Variants in CAMTA1 observed in about 807,000 individuals in gnomAD.
CAMTA1 encodes the protein calmodulin-binding transcription activator 1.
In CAMTA1, 27 loss-of-function variants were observed where a neutral mutation model predicts 170.9. That is an observed-to-expected ratio of 0.16 (90% CI 0.12 to 0.22). The LOEUF (loss-of-function observed/expected upper bound fraction) is 0.22, where lower values mean the gene tolerates loss of function less well. Among genes scored for constraint, CAMTA1 ranks in the 10% least tolerant of loss-of-function variants. CAMTA1 has a pLI of 1.00. For missense variants in CAMTA1, 1,619 were observed against 2,217.2 expected, an observed-to-expected ratio of 0.73 and a Z score of 5.42; for synonymous variants, 833 against 891.5, an observed-to-expected ratio of 0.93 and a Z score of 1.17.
Position 7,736,265 on chromosome 1 carries a change from T to G in CAMTA1, c.3067-79T>G. 8.5e-7 allele frequency: 1 copy of G among 1,172,690 alleles called. No individual in the cohort carries two copies. The highest frequency in any genetic ancestry group is 1.4e-5 in the South Asian group (1 of 73,650). The allele number at this position is 1,172,690 out of a possible 1,614,324, so 72.6% of individuals were successfully genotyped here. A position where few individuals can be genotyped will look rare whatever the true frequency, so the allele number is the denominator to read the frequency against. ...TTGTGAGTTTCTAATCGTAAAGCAT[T>G]TGTTTCCCCTACATCGAAGCGCTGA... On this transcript the variant is annotated intron_variant, in intron 12 of 22. Transcript: ENST00000303635. The surrounding 1 kb of genome is among the most constrained non-coding windows in gnomAD (Gnocchi z 4.5).
intron 5 of CAMTA1, among the ~76,000 whole-genome samples, chr1:7,392,443 C>T (rs967527277): frequency 3.3e-5 from 5 of 150,522 alleles, no homozygotes; most frequent in African/African-American, 9.7e-5. Context: ...TTAGTAGAGT[C>T]CGGGTTTCTC....
chr1:7,564,563 T>A (rs1365927978), intron 6 of CAMTA1, among the ~76,000 whole-genome samples: 3 of 152,192 alleles, frequency 2.0e-5, no homozygotes, highest in African/African-American at 7.2e-5. Context: ...CTTGGTTGCC[T>A]GTGCATGCCT....
intron 3 of CAMTA1, among the ~76,000 whole-genome samples, chr1:7,069,179 T>A (rs1225321757): frequency 3.9e-5 from 6 of 152,204 alleles, no homozygotes; most frequent in African/African-American, 1.4e-4. Context: ...AAGATTGTCA[T>A]CCTTCACCAC....
chr1:6,873,991 T>G (rs1319517089), intron 3 of CAMTA1: 1 of 152,234 alleles, frequency 6.6e-6, no homozygotes, highest in Non-Finnish European at 1.5e-5. Context: ...TTCATTTTGG[T>G]GTAAAAACAG....
intron 1 of CAMTA1, among the ~76,000 whole-genome samples, chr1:6,792,010 C>T (rs1273629294): frequency 6.6e-6 from 1 of 151,630 alleles, no homozygotes; most frequent in Non-Finnish European, 1.5e-5. Context: ...CTTTGTTGCC[C>T]AGGCACGATC....
At chr1:6,982,022 TTTGAC>T (rs1346262058) in intron 3 of CAMTA1, among the ~76,000 whole-genome samples, 2 of 152,240 alleles carry the variant, frequency 1.3e-5, no homozygotes, top group Non-Finnish European at 2.9e-5. Flanking sequence ...AATGTATTTT[TTTGAC>T]ATTTAATACA....
intron 3 of CAMTA1, among the ~76,000 whole-genome samples, chr1:6,951,348 C>T (rs1688452192): frequency 6.6e-6 from 1 of 152,156 alleles, no homozygotes; most frequent in Non-Finnish European, 1.5e-5. Flanking sequence ...CTTAACCTCT[C>T]TGAGCCTTAG....
At position 7,609,511 on chromosome 1, in the gene CAMTA1, A is replaced by G. The variant is rs1236141084; in HGVS notation, c.511-30889A>G. On this transcript the variant is annotated intron_variant, in intron 6 of 22. Transcript: ENST00000303635. This position sits in a 1 kb window ranked among gnomAD's most constrained non-coding sequence, Gnocchi z 4.4. Reference sequence around the variant, plus strand: ...CCCTGGCCCCAGCCTCCAGGCCCCCAGGGATGCTCAGGGCCTGCCACCCCT... The same window carrying G: ...CCCTGGCCCCAGCCTCCAGGCCCCCGGGGATGCTCAGGGCCTGCCACCCCT... Among the ~76,000 whole-genome samples the G allele has an allele frequency of 6.6e-6, 1 of 152,140 alleles. No homozygotes were observed. Among genetic ancestry groups the G allele is most frequent in the African/African-American group, 2.4e-5 (1 of 41,448 alleles).
At chr1:7,039,365 G>A (rs747463362) in intron 3 of CAMTA1, among the ~76,000 whole-genome samples, 1 of 152,162 alleles carries the variant, frequency 6.6e-6, no homozygotes, top group Non-Finnish European at 1.5e-5. Flanking sequence ...AATTCTTGAA[G>A]CACAGGGGAC....
intron 6 of CAMTA1, among the ~76,000 whole-genome samples, chr1:7,507,432 G>T (rs2094136769): frequency 6.6e-6 from 1 of 152,104 alleles, no homozygotes; most frequent in South Asian, 2.1e-4. Context: ...TATCGGAGCT[G>T]TTTACTCCCC....
chr1:7,659,812 CT>C (rs1576661990), intron 7 of CAMTA1, among the ~76,000 whole-genome samples: 1 of 152,290 alleles, frequency 6.6e-6, no homozygotes, highest in African/African-American at 2.4e-5. Flanking sequence ...AACAGCTACC[CT>C]TTTTTTGGGT....
At chr1:7,317,042 A>T (rs565535843) in intron 5 of CAMTA1, among the ~76,000 whole-genome samples, 9 of 152,250 alleles carry the variant, frequency 5.9e-5, no homozygotes. Context: ...CAAGATGTGG[A>T]CCCTGTTCTT....
At chr1:6,806,992 A>G (rs1282615526) in intron 1 of CAMTA1, 1 of 622,778 alleles carries the variant, frequency 1.6e-6, no homozygotes, top group Non-Finnish European at 2.9e-6. Flanking sequence ...GGCACAAGGA[A>G]GGACAGACCC....
intron 4 of CAMTA1, among the ~76,000 whole-genome samples, chr1:7,204,013 A>AT (rs940298993): frequency 6.1e-5 from 9 of 148,752 alleles, no homozygotes; most frequent in Admixed American, 2.0e-4. Flanking sequence ...TTTTTTTGGT[A>AT]TTTTTTAGTA....
rs1414688686 is a variant in CAMTA1 at position 7,634,290 on chromosome 1, G to T, written c.511-6110G>T. Among the ~76,000 whole-genome samples, 2 of 152,108 alleles carry T rather than the reference G, an allele frequency of 1.3e-5. No homozygotes were observed. The highest frequency in any genetic ancestry group is 4.8e-5 in the African/African-American group (2 of 41,422). On this transcript the variant is annotated intron_variant, in intron 6 of 22. Coordinates refer to ENST00000303635, the MANE Select transcript of CAMTA1 (RefSeq NM_015215.4). The surrounding 1 kb of genome is among the most constrained non-coding windows in gnomAD (Gnocchi z 6.2). ...GGGGTGGGAGAAATGGCAGAACTGG[G>T]TGATCGACTGGCCGTTGAGGGAGAG...
chr1:7,000,490 G>A (rs1698061406), intron 3 of CAMTA1, among the ~76,000 whole-genome samples: 2 of 152,218 alleles, frequency 1.3e-5, no homozygotes, highest in Admixed American at 1.3e-4. Context: ...TGGGGAGCAT[G>A]TCTTATGGAG....
At chr1:7,628,472 G>C (rs2095647876) in intron 6 of CAMTA1, among the ~76,000 whole-genome samples, 1 of 152,256 alleles carries the variant, frequency 6.6e-6, no homozygotes, top group South Asian at 2.1e-4. Flanking sequence ...GTGCACCAGA[G>C]TTGTGTCCAG....
chr1:7,483,205 A>T (rs2093565809), intron 6 of CAMTA1, among the ~76,000 whole-genome samples: 1 of 152,166 alleles, frequency 6.6e-6, no homozygotes, highest in African/African-American at 2.4e-5. Flanking sequence ...GGAGGGTTGC[A>T]TGGATGGAGA....
chr1:7,321,125 T>C (rs1678354540), intron 5 of CAMTA1, among the ~76,000 whole-genome samples: 1 of 152,218 alleles, frequency 6.6e-6, no homozygotes. Context: ...CCATCTCTTT[T>C]TCCAACAAGT....
Sources: allele counts gnomAD v4.1 joint callset (sites outside exome capture counted in the v4.1 genomes callset), GRCh38; gene constraint gnomAD v4.1.1; non-coding constraint Gnocchi (gnomAD v3.1); transcripts MANE v1.5; gene names NCBI Gene and HGNC (gene_info 2026-07-23, HGNC 2026-07-21).